The following POLR1D variants were observed in gnomAD, a reference collection of about 807,000 sequenced individuals.
The protein encoded by POLR1D is DNA-directed RNA polymerases I and III subunit RPAC2.
A neutral mutation model predicts 10.8 loss-of-function variants in POLR1D; 8 were observed. That is an observed-to-expected ratio of 0.74 (90% CI 0.43 to 1.33). The LOEUF (loss-of-function observed/expected upper bound fraction) is 1.33. Among genes scored for constraint, POLR1D ranks in the 40% most tolerant of loss-of-function variants. The pLI is 0.01. For synonymous variants in POLR1D, 54 were observed against 57.2 expected, an observed-to-expected ratio of 0.94 and a Z score of 0.25; for missense variants, 152 against 161.7, an observed-to-expected ratio of 0.94 and a Z score of 0.32.
rs761590961 is a variant in POLR1D at position 27,665,902 on chromosome 13, A to G, written c.318A>G (p.Pro106=). 5 of 1,614,070 alleles carry G rather than the reference A, an allele frequency of 3.1e-6. No individual in the cohort carries two copies. The highest frequency in any genetic ancestry group is 4.5e-5 in the East Asian group (2 of 44,896). Reference sequence around the variant, plus strand: ...GAGGTTCCGCCAGTTACTCCCCGCCACGAAAGCGGAGCAGCCAGGACAAGT... The same window carrying G: ...GAGGTTCCGCCAGTTACTCCCCGCCGCGAAAGCGGAGCAGCCAGGACAAGT... The change falls in exon 3 of 3, where the codon CCA becomes CCG. Residue 106 remains proline, a synonymous_variant. Transcript: ENST00000399697.
chr13:27,664,372 C>A (rs945195129), intron 2 of POLR1D, among the ~76,000 whole-genome samples: 3 of 152,172 alleles, frequency 2.0e-5, no homozygotes, highest in African/African-American at 7.2e-5. Flanking sequence ...AGAGCTGTCA[C>A]CACCTCTGAA....
chr13:27,625,563 T>C (rs545402721), downstream of POLR1D, among the ~76,000 whole-genome samples: 2 of 152,000 alleles, frequency 1.3e-5, no homozygotes, highest in African/African-American at 4.8e-5. Context: ...TTTGTGAACA[T>C]TGTAAGCAGT....
intron 1 of POLR1D, chr13:27,648,229 T>C (rs1051603155): frequency 5.0e-6 from 3 of 596,458 alleles, no homozygotes; most frequent in Non-Finnish European, 9.2e-6. Context: ...ATTTATGTGT[T>C]CAAAATTGTC....
chr13:27,652,382 G>T (rs1956273977), intron 2 of POLR1D, among the ~76,000 whole-genome samples: 1 of 152,178 alleles, frequency 6.6e-6, no homozygotes, highest in Admixed American at 6.5e-5. Flanking sequence ...ATTTGTGTGG[G>T]CATTGATGTA....
At chr13:27,634,265 T>G (rs997001528) in intron 1 of POLR1D, among the ~76,000 whole-genome samples, 1 of 152,222 alleles carries the variant, frequency 6.6e-6, no homozygotes, top group Admixed American at 6.5e-5. Flanking sequence ...ACTGTTGTGC[T>G]GAAAATGTCT....
intron 1 of POLR1D, among the ~76,000 whole-genome samples, chr13:27,622,597 CA>C (rs1275410220): frequency 2.0e-5 from 3 of 152,074 alleles, no homozygotes; most frequent in African/African-American, 7.2e-5. Flanking sequence ...GTGACTCTAC[CA>C]AAAAATATTT....
chr13:27,624,159 C>T (rs1227182151), downstream of POLR1D, among the ~76,000 whole-genome samples: 1 of 152,206 alleles, frequency 6.6e-6, no homozygotes, highest in Non-Finnish European at 1.5e-5. Context: ...GCCAGTCTTA[C>T]TCCTGCCGTA....
chr13:27,640,885 G>A (rs1181543136), intron 1 of POLR1D, among the ~76,000 whole-genome samples: 1 of 151,994 alleles, frequency 6.6e-6, no homozygotes, highest in African/African-American at 2.4e-5. Flanking sequence ...GCCTCTTCCT[G>A]TATACTTTAA....
chr13:27,629,104 G>A (rs1278982779), intron 1 of POLR1D, among the ~76,000 whole-genome samples: 2 of 152,170 alleles, frequency 1.3e-5, no homozygotes, highest in South Asian at 2.1e-4. Flanking sequence ...GATTATAGGC[G>A]TGAGCCACTG....
intron 1 of POLR1D, among the ~76,000 whole-genome samples, chr13:27,630,366 C>G (rs1956061107): frequency 6.6e-6 from 1 of 152,184 alleles, no homozygotes; most frequent in African/African-American, 2.4e-5. Context: ...ATTAAAAGGA[C>G]TCCAAGAGAA....
chr13:27,656,063 A>G (rs966543532), intron 2 of POLR1D, among the ~76,000 whole-genome samples: 3 of 152,182 alleles, frequency 2.0e-5, no homozygotes, highest in African/African-American at 4.8e-5. Context: ...GAGAAAATAC[A>G]GGATAATATT....
chr13:27,622,377 C>T (rs996851226), intron 1 of POLR1D: 4 of 355,232 alleles, frequency 1.1e-5, no homozygotes, highest in African/African-American at 2.1e-5. Flanking sequence ...CCACTCTGTG[C>T]GCTGAGCTCT....
chr13:27,650,523 A>C (rs1279288508), intron 2 of POLR1D: 2 of 155,362 alleles, frequency 1.3e-5, no homozygotes, highest in African/African-American at 4.8e-5. Flanking sequence ...AGGTGTGACC[A>C]GCTCCACCCT....
chr13:27,642,124 T>A (rs753191066), intron 1 of POLR1D, among the ~76,000 whole-genome samples: 6 of 152,158 alleles, frequency 3.9e-5, no homozygotes, highest in Non-Finnish European at 7.4e-5. Context: ...CAGGTATATA[T>A]ATACAATGAA....
chr13:27,662,179 T>C lies in POLR1D; in HGVS notation c.102-3507T>C, dbSNP rs138064986. Among the ~76,000 whole-genome samples, 710 of 152,322 alleles carry C rather than the reference T, an allele frequency of 4.7e-3. 7 individuals carry two copies. The highest frequency in any genetic ancestry group is 0.016 in the African/African-American group (683 of 41,574). ...CTTTGGGATATCTTGAGTTGCCATCTTGCAAAAATTCCGGATGTATTAGCC... is the reference window on the plus strand; with the variant it reads ...CTTTGGGATATCTTGAGTTGCCATCCTGCAAAAATTCCGGATGTATTAGCC... On this transcript the variant is annotated intron_variant, in intron 2 of 2. Coordinates refer to the POLR1D transcript ENST00000399697.
chr13:27,665,702 G>C (rs1956409359), exon 3 of POLR1D: 1 of 1,613,738 alleles, frequency 6.2e-7, no homozygotes, highest in African/African-American at 1.3e-5. Flanking sequence ...GTGTCCTCTT[G>C]CTAGCACCAA....
intron 1 of POLR1D, among the ~76,000 whole-genome samples, chr13:27,637,190 T>C (rs1007564846): frequency 2.0e-5 from 3 of 152,210 alleles, no homozygotes; most frequent in Non-Finnish European, 4.4e-5. Flanking sequence ...ATATGTGTTA[T>C]GATATAAAGG....
At chr13:27,633,185 G>A (rs1956090645) in intron 1 of POLR1D, among the ~76,000 whole-genome samples, 1 of 152,158 alleles carries the variant, frequency 6.6e-6, no homozygotes, top group African/African-American at 2.4e-5. Flanking sequence ...GATATTGCCA[G>A]GTAGATGATT....
chr13:27,627,281 GT>G (rs749694500), downstream of POLR1D, among the ~76,000 whole-genome samples: 999 of 144,190 alleles, frequency 6.9e-3, 7 homozygotes, highest in African/African-American at 0.023. Context: ...CGTGGGTCTG[GT>G]TTTTTTTTTT....
Sources: allele counts gnomAD v4.1 joint callset (sites outside exome capture counted in the v4.1 genomes callset), GRCh38; gene constraint gnomAD v4.1.1; transcripts MANE v1.5; gene names NCBI Gene and HGNC (gene_info 2026-07-23, HGNC 2026-07-21).